The following MAPK11 variants were observed in gnomAD, a reference collection of about 807,000 sequenced individuals.
MAPK11 encodes MAP kinase 11.
In MAPK11, 44 loss-of-function variants were observed where a neutral mutation model predicts 52.2. That is an observed-to-expected ratio of 0.84 (90% CI 0.66 to 1.08). MAPK11 has a LOEUF of 1.08. Ranked by LOEUF, MAPK11 falls within the 50% of genes least tolerant of loss-of-function variation. The probability of loss-of-function intolerance (pLI) is 0.00; values close to 1 mark genes in which losing one functional copy is unlikely to be tolerated. For missense variants in MAPK11, 436 were observed against 494.7 expected (o/e 0.88, Z 1.13); for synonymous variants, 233 against 206.3 (o/e 1.13, Z -1.11).
chr22:50,266,597 C>T lies in MAPK11; in HGVS notation c.625G>A (p.Val209Met), dbSNP rs781182842. The T allele has an allele frequency of 8.5e-6, 13 of 1,530,944 alleles. No homozygotes were observed. Among genetic ancestry groups the T allele is most frequent in the Non-Finnish European group, 1.1e-5 (13 of 1,140,368 alleles). 94.8% of individuals were successfully genotyped at this position (1,530,944 alleles called of 1,614,324 possible). Residue 209 changes from valine to methionine, a missense_variant, in exon 8 of 12, where the codon GTG becomes ATG. Val to Met is a conservative substitution (Grantham distance 21). Coordinates refer to ENST00000330651, the MANE Select transcript of MAPK11 (RefSeq NM_002751.7). ...AGCAGCTCAGCCATGATGCAGCCCA[C>T]GGACCAGATATCCACTGTGCGAGGG... ...HYNQTVDIWS[V>M]GCIMAELLQG...
chr22:50,265,207 C>T, intron 11 of MAPK11, 114 bp downstream of exon 11: 4 of 1,437,970 alleles, frequency 2.8e-6, no homozygotes, highest in East Asian at 2.3e-5. Flanking sequence ...GTGCTGGACA[C>T]CTGAACGCCC....
intron 2 of MAPK11, 40 bp from the exon 3 acceptor site, chr22:50,267,667 C>T: frequency 6.6e-7 from 1 of 1,504,216 alleles, no homozygotes; most frequent in Non-Finnish European, 8.9e-7. Flanking sequence ...GACGAACCCC[C>T]GGCTGTCGTT....
At chr22:50,267,736 AT>A in intron 2 of MAPK11, 83 bp downstream of exon 2, 1 of 894,500 alleles carries the variant, frequency 1.1e-6, no homozygotes, top group Non-Finnish European at 1.5e-6. Flanking sequence ...CCCCGCCCCC[AT>A]CGCCAGGGCT....
intron 1 of MAPK11, among the ~76,000 whole-genome samples, chr22:50,268,511 C>T (rs1185692732): frequency 6.6e-6 from 1 of 152,218 alleles, no homozygotes; most frequent in Non-Finnish European, 1.5e-5. Flanking sequence ...TGATGTACAG[C>T]TGAGGGCGTC....
chr22:50,264,848 A>G lies in MAPK11; in HGVS notation c.*100T>C. 1 of 877,142 alleles carries G rather than the reference A, an allele frequency of 1.1e-6. No homozygotes were observed. The highest frequency in any genetic ancestry group is 2.3e-5 in the Admixed American group (1 of 42,798). The allele number at this position is 877,142 out of a possible 1,614,324, so 54.3% of individuals were successfully genotyped here. ...GGTCCTAGGCCAGAAGTCTGTGACC[A>G]TAGGAGTGTGGGAGGTGCCTCTCGA... On this transcript the variant is annotated 3_prime_UTR_variant, in exon 12 of 12. Transcript: ENST00000330651.
In MAPK11 at chr22:50,266,999, T is replaced by C; in HGVS notation, c.545A>G (p.Tyr182Cys). 8 of 1,612,470 alleles carry C rather than the reference T, an allele frequency of 5.0e-6. No homozygotes were observed. The highest frequency in any genetic ancestry group is 6.8e-6 in the Non-Finnish European group (8 of 1,179,828). Residue 182 changes from tyrosine (Y) to cysteine (C), a missense_variant, in exon 7 of 12, where the codon TAT (tyrosine) becomes TGT (cysteine). Transcript: ENST00000330651. The stretch of plus-strand genomic sequence containing the variant: ...TGCCCGGTACCAGCGCGTGGCCACA[T>C]AGCCGGTCATCTCCTCGTCCGCCTG... ...ARQADEEMTG[Y>C]VATRWYRAPE...
intron 1 of MAPK11, 67 bp from the exon 2 acceptor site, chr22:50,268,016 G>T: frequency 7.0e-7 from 1 of 1,433,194 alleles, no homozygotes; most frequent in Non-Finnish European, 9.1e-7. Flanking sequence ...CGTGGACCCG[G>T]GCGGCGTCCC....
Position 50,265,599 on chromosome 22 carries a change from C to G in MAPK11, c.824G>C (p.Arg275Pro), listed in dbSNP as rs33932986. 6.2e-7 allele frequency: 1 copy of G among 1,611,338 alleles called. No individual in the cohort carries two copies. The highest frequency in any genetic ancestry group is 1.7e-5 in the Admixed American group (1 of 59,886). The change falls in exon 10 of 12, where the codon CGT (arginine) becomes CCT (proline). Residue 275 changes from arginine (R) to proline (P), a missense_variant. By Grantham distance (103) the Arg-to-Pro change is moderately radical (BLOSUM62 -2). Transcript: ENST00000330651. The part of the protein sequence containing the change: ...MPQKDLSSIF[R>P]GANPLAIDLL... The stretch of plus-strand genomic sequence containing the variant: ...GTCCTCACCCAGGGGGTTGGCTCCA[C>G]GGAAGATGCTGCTCAGGTCCTTCTG...
At chr22:50,266,498 G>A in intron 8 of MAPK11, 42 bp downstream of exon 8, 1 of 1,498,878 alleles carries the variant, frequency 6.7e-7, no homozygotes, top group Non-Finnish European at 8.9e-7. Flanking sequence ...CCTACAGGAG[G>A]GGCCCTGTTT....
At chr22:50,267,218 C>G in intron 5 of MAPK11, 39 bp downstream of exon 5, 8 of 1,608,970 alleles carry the variant, frequency 5.0e-6, no homozygotes, top group Non-Finnish European at 6.8e-6. Flanking sequence ...TGGGACGGAG[C>G]CCTGCTGGAC....
chr22:50,266,565 G>A lies in MAPK11; in HGVS notation c.657C>T (p.Gly219=). Residue 219 remains glycine, a synonymous_variant, in exon 8 of 12, where the codon GGC becomes GGT. Transcript: ENST00000330651. ...VGCIMAELLQ[G]KALFPGSDYI... ...AGTCGCTTCCCGGGAAGAGGGCCTT[G>A]CCCTGGAGCAGCTCAGCCATGATGC... is the stretch of plus-strand genomic sequence containing the variant. 14 of 1,519,886 alleles carry A rather than the reference G, an allele frequency of 9.2e-6. No homozygotes were observed. The highest frequency in any genetic ancestry group is 1.3e-5 in the South Asian group (1 of 75,842). The allele number at this position is 1,519,886 out of a possible 1,614,324, so 94.1% of individuals were successfully genotyped here. A position where few individuals can be genotyped will look rare whatever the true frequency, so the allele number is the denominator to read the frequency against.
rs1301122232 is a variant in MAPK11, at chr22:50,265,361, C to G, written c.975G>C (p.Glu325Asp). ...GCGTGCGCTCCTTGGCCTCAACGCTCTCATCATATGGCTCGGCCTCTGGCT... is the reference window on the plus strand; with the variant it reads ...GCGTGCGCTCCTTGGCCTCAACGCTGTCATCATATGGCTCGGCCTCTGGCT... ...EDEPEAEPYD[E>D]SVEAKERTLE... The change falls in exon 11 of 12, where the codon GAG becomes GAC. Residue 325 changes from glutamate to aspartate, a missense_variant. Transcript: ENST00000330651. 7.4e-6 allele frequency: 12 copies of G among 1,613,298 alleles called. No individual in the cohort carries two copies. The highest frequency in any genetic ancestry group is 8.5e-6 in the Non-Finnish European group (10 of 1,180,012).
Position 50,264,405 on chromosome 22 carries a change from C to G in MAPK11, c.*543G>C, listed in dbSNP as rs1401862836. 1 of 154,132 alleles carries G rather than the reference C, an allele frequency of 6.5e-6. No homozygotes were observed. The highest frequency in any genetic ancestry group is 2.4e-5 in the African/African-American group (1 of 41,476). The allele number at this position is 154,132 out of a possible 1,614,324, so 9.5% of individuals were successfully genotyped here. A position where few individuals can be genotyped will look rare whatever the true frequency, so the allele number is the denominator to read the frequency against. On this transcript the variant is annotated 3_prime_UTR_variant, in exon 12 of 12. Coordinates refer to ENST00000330651, the MANE Select transcript of MAPK11 (RefSeq NM_002751.7). The stretch of plus-strand genomic sequence containing the variant: ...CTCATTTGACACCTGGTGGTTGTCC[C>G]TGCCCAGCCTGGTGGCACACTGGCT...
rs758155888 is a variant in MAPK11 at position 50,264,159 on chromosome 22, C to T, written c.*789G>A. 6.6e-6 allele frequency: 1 copy of T among 151,828 alleles called. No homozygotes were observed. Among genetic ancestry groups the T allele is most frequent in the Admixed American group, 6.6e-5 (1 of 15,188 alleles). 9.4% of individuals were successfully genotyped at this position (151,828 alleles called of 1,614,324 possible). ...CCTTTGGCCCACTGGAGCCGCCAGT[C>T]TGAAACACCCCTCAAGGCATCAGGA... On this transcript the variant is annotated 3_prime_UTR_variant, in exon 12 of 12. Transcript: ENST00000330651.
In MAPK11 at chr22:50,267,548, CT is replaced by C; in HGVS notation, c.305+20del. ...CCACCGCGAACGCGCTCCCCGCTGC[CT>C]CGCCCGCCCCGCCGCTCACACTTCG... is the stretch of plus-strand genomic sequence containing the variant. On this transcript the variant is annotated intron_variant, in intron 3 of 11. Transcript: ENST00000330651. The C allele has an allele frequency of 1.9e-6, 3 of 1,543,652 alleles. No homozygotes were observed. The highest frequency in any genetic ancestry group is 2.6e-6 in the Non-Finnish European group (3 of 1,142,714).
In MAPK11 at chr22:50,266,352, G is replaced by T. The variant is rs765637226; in HGVS notation, c.683-47C>A. The T allele has an allele frequency of 2.6e-6, 4 of 1,555,946 alleles. No homozygotes were observed. The Admixed American group carries it at 7.5e-5, about 29-fold the overall frequency. ...CACGGGCCAGCCACAGACCCCTCCTGGGCCCCCAGACCCAAAACTTTGGGG... is the reference window on the plus strand; with the variant it reads ...CACGGGCCAGCCACAGACCCCTCCTTGGCCCCCAGACCCAAAACTTTGGGG... On this transcript the variant is annotated intron_variant, in intron 8 of 11. Coordinates refer to ENST00000330651, the MANE Select transcript of MAPK11 (RefSeq NM_002751.7).
In MAPK11 at chr22:50,266,606, T is replaced by C. The variant is rs201856367; in HGVS notation, c.616A>G (p.Ile206Val). Reference sequence around the variant, plus strand: ...GCCATGATGCAGCCCACGGACCAGATATCCACTGTGCGAGGGCGAGGGGAC... The same window carrying C: ...GCCATGATGCAGCCCACGGACCAGACATCCACTGTGCGAGGGCGAGGGGAC... ...NWMHYNQTVDIWSVGCIMAEL... is the reference protein window; with the variant it reads ...NWMHYNQTVDVWSVGCIMAEL... The change falls in exon 8 of 12, where the codon ATC (isoleucine) becomes GTC (valine). Residue 206 changes from isoleucine to valine, a missense_variant. Physicochemically the swap from Ile to Val is conservative, Grantham distance 29 (BLOSUM62 3). Coordinates refer to ENST00000330651, the MANE Select transcript of MAPK11 (RefSeq NM_002751.7). 3 of 1,541,774 alleles carry C rather than the reference T, an allele frequency of 1.9e-6. No individual in the cohort carries two copies. The highest frequency in any genetic ancestry group is 2.6e-6 in the Non-Finnish European group (3 of 1,145,734).
At position 50,267,255 on chromosome 22, in the gene MAPK11, A is replaced by T. The variant is rs1473688137; in HGVS notation, c.447+2T>A. On this transcript the variant is annotated splice_donor_variant, in intron 5 of 11. Transcript: ENST00000330651. LOFTEE classifies it high-confidence loss of function. ...CGACCCTCACCCTGCGGTCGCACCT[A>T]CCCGGTGGATGATCCCGGCCGAGTG... is the stretch of plus-strand genomic sequence containing the variant. 6.2e-7 allele frequency: 1 copy of T among 1,606,346 alleles called. No homozygotes were observed.
rs2065269489 is a variant in MAPK11 at position 50,267,109 on chromosome 22, C to T, written c.495+18G>A. On this transcript the variant is annotated intron_variant, in intron 6 of 11. Coordinates refer to ENST00000330651, the MANE Select transcript of MAPK11 (RefSeq NM_002751.7). ...GGGCTCCGCCGCCGCCCTGCCCACCCCTGCCCACGGGCCTCACCCTGAGCT... is the reference window on the plus strand; with the variant it reads ...GGGCTCCGCCGCCGCCCTGCCCACCTCTGCCCACGGGCCTCACCCTGAGCT... 1 of 1,611,718 alleles carries T rather than the reference C, an allele frequency of 6.2e-7. No homozygotes were observed. The highest frequency in any genetic ancestry group is 1.1e-5 in the South Asian group (1 of 90,958).
Sources: gnomAD v4.1 joint callset for allele counts (sites outside exome capture counted in the v4.1 genomes callset) on GRCh38, gnomAD v4.1.1 for gene constraint, MANE v1.5 for transcripts, NCBI Gene and HGNC (gene_info 2026-07-23, HGNC 2026-07-21) for gene names.